The following FOXN3 variants were observed in gnomAD, a reference collection of about 807,000 sequenced individuals.
The protein encoded by FOXN3 is forkhead box protein N3.
In FOXN3, 7 loss-of-function variants were observed where a neutral mutation model predicts 38.4. The ratio of observed to expected loss-of-function variants is 0.18; its 90% CI spans 0.10 to 0.34. The LOEUF (loss-of-function observed/expected upper bound fraction) is 0.34, where lower values mean the gene tolerates loss of function less well. FOXN3 is among the 10% of genes least tolerant of loss of function. FOXN3 has a pLI of 1.00. For synonymous variants in FOXN3, 230 were observed against 242.2 expected (o/e 0.95, Z 0.47); for missense variants, 456 against 613.4 (o/e 0.74, Z 2.71).
intron 1 of FOXN3, among the ~76,000 whole-genome samples, chr14:89,424,574 T>C (rs1891983679): frequency 1.3e-5 from 2 of 152,122 alleles, no homozygotes; most frequent in Non-Finnish European, 2.9e-5. Flanking sequence ...AAAATACTCT[T>C]GAATTAAGAA....
In FOXN3 at chr14:89,412,331, C is replaced by T. The variant is rs754294736; in HGVS notation, c.146G>A (p.Arg49Gln). The change falls in exon 2 of 6, where the codon CGA (arginine) becomes CAA (glutamine). Residue 49 changes from arginine (R) to glutamine (Q), a missense_variant. Coordinates refer to ENST00000557258, the MANE Select transcript of FOXN3 (RefSeq NM_005197.4). The surrounding 1 kb of genome is among the most constrained non-coding windows in gnomAD (Gnocchi z 4.7). ...ATCTTCCATGGCCCCCTCTTCTAATCGGATGTCAGGCAGAGAAAAGTCGAG... is the reference window on the plus strand; with the variant it reads ...ATCTTCCATGGCCCCCTCTTCTAATTGGATGTCAGGCAGAGAAAAGTCGAG... ...DDLDFSLPDI[R>Q]LEEGAMEDEE... 28 of 1,614,144 alleles carry T rather than the reference C, an allele frequency of 1.7e-5. No homozygotes were observed. The highest frequency in any genetic ancestry group is 1.7e-4 in the Middle Eastern group (1 of 6,060).
chr14:89,463,433 A>G (rs1337840970), intron 1 of FOXN3, among the ~76,000 whole-genome samples: 1 of 152,216 alleles, frequency 6.6e-6, no homozygotes, highest in African/African-American at 2.4e-5. Flanking sequence ...TTTGGAGGAC[A>G]CTTTCAAACC....
At chr14:89,182,568 T>A (rs1887701588) in intron 4 of FOXN3, among the ~76,000 whole-genome samples, 1 of 152,202 alleles carries the variant, frequency 6.6e-6, no homozygotes, top group African/African-American at 2.4e-5. Context: ...CAGACCACCT[T>A]ATCTGAGGCA....
chr14:89,492,408 T>TCGTC (rs1893598169), intron 1 of FOXN3, among the ~76,000 whole-genome samples: 1 of 139,370 alleles, frequency 7.2e-6, no homozygotes, highest in South Asian at 2.4e-4. Context: ...GCAGAGCAGC[T>TCGTC]CGTCCTCTGA....
intron 4 of FOXN3, among the ~76,000 whole-genome samples, chr14:89,194,973 G>A (rs562326486): frequency 3.8e-4 from 57 of 151,944 alleles, no homozygotes; most frequent in Middle Eastern, 3.4e-3. Context: ...CACTTATTTC[G>A]TCAGCCTTTT....
rs141504460 is a variant in FOXN3 at position 89,297,099 on chromosome 14, C to T, written c.681-16085G>A. Among the ~76,000 whole-genome samples the T allele has an allele frequency of 4.6e-5, 7 of 150,668 alleles. No homozygotes were observed. The South Asian group carries it at 1.1e-3, about 23-fold the overall frequency. ...CTTTTCAAACATAAGTGGAATCATA[C>T]GGAAGGAGAATAGCATTTGTAAAAC... On this transcript the variant is annotated intron_variant, in intron 3 of 5. Transcript: ENST00000557258.
At chr14:89,191,545 T>C (rs1887943064) in intron 4 of FOXN3, among the ~76,000 whole-genome samples, 1 of 152,202 alleles carries the variant, frequency 6.6e-6, no homozygotes, top group Non-Finnish European at 1.5e-5. Context: ...ACAAATTACA[T>C]ACCAAAAAAT....
chr14:89,543,916 G>T (rs1175785726), intron 1 of FOXN3, among the ~76,000 whole-genome samples: 3 of 151,938 alleles, frequency 2.0e-5, no homozygotes, highest in African/African-American at 7.3e-5. Flanking sequence ...GGGTGGGGGG[G>T]AAGTACTCAA....
intron 4 of FOXN3, 73 bp downstream of exon 4, chr14:89,280,877 C>G: frequency 7.5e-7 from 1 of 1,338,718 alleles, no homozygotes; most frequent in South Asian, 1.2e-5. Flanking sequence ...CTATTTGACA[C>G]CAAGCACAAA....
intron 4 of FOXN3, among the ~76,000 whole-genome samples, chr14:89,272,228 G>A (rs1031179406): frequency 2.3e-4 from 35 of 151,632 alleles, no homozygotes; most frequent in African/African-American, 6.1e-4. Context: ...CAGGAGAATC[G>A]CTTGAACCCG....
chr14:89,441,399 G>A (rs1458367789), intron 1 of FOXN3, among the ~76,000 whole-genome samples: 8 of 152,194 alleles, frequency 5.3e-5, no homozygotes, highest in African/African-American at 1.9e-4. Flanking sequence ...ACGTTAAAAA[G>A]GATGAAACTG....
chr14:89,259,418 C>A (rs745818808), intron 4 of FOXN3, among the ~76,000 whole-genome samples: 7 of 152,098 alleles, frequency 4.6e-5, no homozygotes, highest in Non-Finnish European at 1.0e-4. Context: ...AAGCTCAGAG[C>A]CAAATTCATG....
In FOXN3 at chr14:89,433,171, G is replaced by A. The variant is rs537283983; in HGVS notation, c.-14-20681C>T. Among the ~76,000 whole-genome samples the A allele has an allele frequency of 1.5e-4, 23 of 152,154 alleles. 1 individual carries two copies. In the East Asian group the frequency reaches 1.5e-3, roughly 10 times the overall value. ...TTGAGACCAGCCTGGCCAACATGGC[G>A]AAACCCTGTCTCTACTAAAAATACA... On this transcript the variant is annotated intron_variant, in intron 1 of 6. Coordinates refer to the FOXN3 transcript ENST00000345097.
At chr14:89,315,407 A>G (rs1887691270) in intron 3 of FOXN3, among the ~76,000 whole-genome samples, 1 of 152,170 alleles carries the variant, frequency 6.6e-6, no homozygotes, top group Admixed American at 6.5e-5. Flanking sequence ...CCAGGCGTCA[A>G]TAGTCCATCA....
At chr14:89,499,748 T>C (rs565442295) in intron 1 of FOXN3, among the ~76,000 whole-genome samples, 17 of 152,170 alleles carry the variant, frequency 1.1e-4, no homozygotes, top group Non-Finnish European at 2.1e-4. Flanking sequence ...AACTGTGACA[T>C]CTAGTCAGAC....
At chr14:89,392,663 T>A (rs1890984240) in intron 2 of FOXN3, among the ~76,000 whole-genome samples, 1 of 137,656 alleles carries the variant, frequency 7.3e-6, no homozygotes, top group Non-Finnish European at 1.5e-5. Context: ...TTTTTTGAGA[T>A]GGAGTCTCAT....
At chr14:89,386,776 A>C (rs1890799883) in intron 2 of FOXN3, among the ~76,000 whole-genome samples, 1 of 151,744 alleles carries the variant, frequency 6.6e-6, no homozygotes, top group Non-Finnish European at 1.5e-5. Context: ...CCTGGTAAGG[A>C]CTCTCTTCGT....
intron 3 of FOXN3, among the ~76,000 whole-genome samples, chr14:89,334,790 C>T (rs1211623636): frequency 1.3e-5 from 2 of 149,708 alleles, no homozygotes; most frequent in Admixed American, 6.7e-5. Context: ...TGTTTTGAGA[C>T]AGAATCTTGC....
chr14:89,409,026 G>A (rs887965522), intron 2 of FOXN3, among the ~76,000 whole-genome samples: 2 of 152,156 alleles, frequency 1.3e-5, no homozygotes, highest in African/African-American at 4.8e-5. Flanking sequence ...GCATACCTGG[G>A]AGCCTGCACC....
Sources: gnomAD v4.1 joint callset for allele counts (sites outside exome capture counted in the v4.1 genomes callset) on GRCh38, gnomAD v4.1.1 for gene constraint, Gnocchi (gnomAD v3.1) non-coding constraint, MANE v1.5 for transcripts, NCBI Gene and HGNC (gene_info 2026-07-23, HGNC 2026-07-21) for gene names.